Variants in FIBCD1 observed in about 807,000 individuals in gnomAD.
The protein encoded by FIBCD1 is fibrinogen C domain containing 1.
FIBCD1 carries 47 observed loss-of-function variants against 45.1 expected under a neutral mutation model. The observed-to-expected ratio is 1.04, with a 90% CI of 0.82 to 1.33. The LOEUF is 1.33. Among genes scored for constraint, FIBCD1 ranks in the 40% most tolerant of loss-of-function variants. FIBCD1 has a pLI of 0.00. For missense variants in FIBCD1, 653 were observed against 682.2 expected, an observed-to-expected ratio of 0.96 and a Z score of 0.48; for synonymous variants, 313 against 308.1, an observed-to-expected ratio of 1.02 and a Z score of -0.17.
intron 2 of FIBCD1, 126 bp from the exon 3 acceptor site, chr9:130,924,522 C>A: frequency 1.1e-6 from 1 of 888,446 alleles, no homozygotes; most frequent in Non-Finnish European, 1.7e-6. Flanking sequence ...GCTCAAGGCC[C>A]CGCCCTGCCC....
intron 4 of FIBCD1, 72 bp downstream of exon 4, chr9:130,923,670 ATG>A: frequency 6.4e-7 from 1 of 1,565,274 alleles, no homozygotes; most frequent in East Asian, 2.3e-5. Context: ...GCTGCTCGGA[ATG>A]CCCGGGTTCA....
Position 130,928,024 on chromosome 9 carries a change from T to G in FIBCD1, c.552+1543A>C, listed in dbSNP as rs542305925. ...CCCAGGCTGCCTGTAGGCACAGCTT[T>G]GAGAAACCCACATCTGTGCTGATCA... On this transcript the variant is annotated intron_variant, in intron 2 of 6. Transcript: ENST00000372338. Among the ~76,000 whole-genome samples the G allele has an allele frequency of 4.6e-5, 7 of 152,270 alleles. No individual in the cohort carries two copies. The South Asian group carries it at 1.2e-3, about 27-fold the overall frequency.
rs1442329252 is a variant in FIBCD1 at position 130,902,759 on chromosome 9, G to C, written c.*1305C>G. The stretch of plus-strand genomic sequence containing the variant: ...GCCTGACGTAACGCACGCGGGTCCA[G>C]GGCTGCTGAGCAGACAGCTGAGGAC... On this transcript the variant is annotated 3_prime_UTR_variant, in exon 7 of 7. Transcript: ENST00000372338. 1.3e-5 allele frequency: 2 copies of C among 152,322 alleles called. No homozygotes were observed. Among genetic ancestry groups the C allele is most frequent in the African/African-American group, 4.8e-5 (2 of 41,472 alleles). The allele number at this position is 152,322 out of a possible 1,614,324, so 9.4% of individuals were successfully genotyped here.
At chr9:130,930,691 C>A (rs1394988489) in intron 1 of FIBCD1, 5 of 452,444 alleles carry the variant, frequency 1.1e-5, no homozygotes, top group Admixed American at 2.4e-5. Flanking sequence ...AGGTGGAGAT[C>A]CCACCTCTGC....
chr9:130,915,837 G>A (rs1832149285), intron 4 of FIBCD1, among the ~76,000 whole-genome samples: 1 of 152,232 alleles, frequency 6.6e-6, no homozygotes, highest in South Asian at 2.1e-4. Context: ...GTGACCTGCA[G>A]ACTGACCATG....
chr9:130,938,320 C>T, intron 1 of FIBCD1: 6 of 430,080 alleles, frequency 1.4e-5, no homozygotes, highest in Non-Finnish European at 2.5e-5. Context: ...CCGCAGCGCG[C>T]GTGGCTCCTG....
chr9:130,903,872 G>T lies in FIBCD1; in HGVS notation c.*192C>A. On this transcript the variant is annotated 3_prime_UTR_variant, in exon 7 of 7. Coordinates refer to ENST00000372338, the MANE Select transcript of FIBCD1 (RefSeq NM_032843.5). ...GATCAGTGAGCTGCCAAATGGAGGG[G>T]GTGGGGACGGCGAGAAGGCGATGTG... 1 of 720,686 alleles carries T rather than the reference G, an allele frequency of 1.4e-6. No individual in the cohort carries two copies. The highest frequency in any genetic ancestry group is 2.7e-5 in the East Asian group (1 of 36,802). 44.6% of individuals were successfully genotyped at this position (720,686 alleles called of 1,614,324 possible).
chr9:130,907,164 G>T (rs1310119356), intron 5 of FIBCD1, among the ~76,000 whole-genome samples: 1 of 150,192 alleles, frequency 6.7e-6, no homozygotes, highest in Non-Finnish European at 1.5e-5. Flanking sequence ...CCACTAATTG[G>T]CCATTGGCAC....
At chr9:130,929,450 T>C (rs1832408138) in intron 2 of FIBCD1, 117 bp downstream of exon 2, 2 of 1,343,128 alleles carry the variant, frequency 1.5e-6, no homozygotes, top group Non-Finnish European at 2.0e-6. Flanking sequence ...CAGTAGCCCC[T>C]TGTCTGGGGC....
chr9:130,923,809 G>C lies in FIBCD1; in HGVS notation c.784C>G (p.Pro262Ala). Residue 262 changes from proline to alanine, a missense_variant, in exon 4 of 7, where the codon CCC becomes GCC. Pro to Ala is a conservative substitution (Grantham distance 27). Transcript: ENST00000372338. ...TGGAAGCCGGCCGGGTAGTGGGTGG[G>C]AAAGACAGAGTAGACGCCATCGTCC... The part of the protein sequence containing the change: ...QQDDGVYSVF[P>A]THYPAGFQVY... The C allele has an allele frequency of 6.2e-7, 1 of 1,612,962 alleles. No homozygotes were observed. The highest frequency in any genetic ancestry group is 8.5e-7 in the Non-Finnish European group (1 of 1,180,004).
chr9:130,926,421 T>C lies in FIBCD1; in HGVS notation c.553-2025A>G, dbSNP rs919856090. ...GCATCAGGGGAGGGCTGGACAGCGC[T>C]TAGCGGTAGTGGTGTCAGAGCTGCT... On this transcript the variant is annotated intron_variant, in intron 2 of 6. Transcript: ENST00000372338. The surrounding 1 kb of genome is among the most constrained non-coding windows in gnomAD (Gnocchi z 4.1). 6.6e-6 allele frequency among the ~76,000 whole-genome samples: 1 copy of C among 152,266 alleles called. No individual in the cohort carries two copies.
chr9:130,923,998 CT>C, intron 3 of FIBCD1, 118 bp from the exon 4 acceptor site: 1 of 1,499,942 alleles, frequency 6.7e-7, no homozygotes, highest in East Asian at 2.3e-5. Context: ...TGAGAGAGCA[CT>C]GGCCTTGGAG....
intron 1 of FIBCD1, among the ~76,000 whole-genome samples, chr9:130,930,961 C>T (rs1832440625): frequency 6.6e-6 from 1 of 152,172 alleles, no homozygotes; most frequent in Admixed American, 6.5e-5. Flanking sequence ...ACTGCAGCAG[C>T]CACATCCCGT....
chr9:130,927,232 G>A (rs1369697279), intron 2 of FIBCD1, among the ~76,000 whole-genome samples: 1 of 149,652 alleles, frequency 6.7e-6, no homozygotes, highest in Non-Finnish European at 1.5e-5. Flanking sequence ...GACGGAGTAA[G>A]ACTGTCTCGA....
chr9:130,917,426 AAGGAAGGAGTGACGGCTCTGGACATGG>A (rs1221140888), intron 4 of FIBCD1, among the ~76,000 whole-genome samples: 93 of 152,300 alleles, frequency 6.1e-4, no homozygotes, highest in African/African-American at 1.8e-3. Context: ...GGCGGGTTCA[AAGGAAGGAGTGACGGCTCTGGACATGG>A]AGGAAGGAGT....
chr9:130,931,422 T>C (rs1190032765), intron 1 of FIBCD1, among the ~76,000 whole-genome samples: 1 of 152,192 alleles, frequency 6.6e-6, no homozygotes, highest in Non-Finnish European at 1.5e-5. Context: ...GGCACGAGAA[T>C]TCCTTGAACT....
In FIBCD1 at chr9:130,923,436, G is replaced by A. The variant is rs562522538; in HGVS notation, c.849+308C>T. ...CAACAGGTTCCTGCTGCCATGTGTC[G>A]TCCTAGGCCCAAACCCCGCCCCACC... On this transcript the variant is annotated intron_variant, in intron 4 of 6. Coordinates refer to ENST00000372338, the MANE Select transcript of FIBCD1 (RefSeq NM_032843.5). Among the ~76,000 whole-genome samples the A allele has an allele frequency of 2.0e-4, 30 of 152,284 alleles. 1 individual carries two copies. In the East Asian group the frequency reaches 5.4e-3, roughly 27 times the overall value.
chr9:130,938,393 G>A (rs1047977978), intron 1 of FIBCD1, 143 bp downstream of exon 1: 44 of 624,528 alleles, frequency 7.0e-5, no homozygotes, highest in Admixed American at 1.8e-4. Flanking sequence ...GGAGAGGAGG[G>A]TCCCCATCCC....
intron 4 of FIBCD1, among the ~76,000 whole-genome samples, chr9:130,919,043 C>T (rs1036000896): frequency 1.6e-4 from 24 of 152,170 alleles, no homozygotes; most frequent in Admixed American, 1.2e-3. Flanking sequence ...GGCGCCCTGC[C>T]GTCATTCCCA....
Sources: allele counts gnomAD v4.1 joint callset (sites outside exome capture counted in the v4.1 genomes callset), GRCh38; gene constraint gnomAD v4.1.1; non-coding constraint Gnocchi (gnomAD v3.1); transcripts MANE v1.5; gene names NCBI Gene and HGNC (gene_info 2026-07-23, HGNC 2026-07-21).